PRDM1: variants seen among roughly 807,000 people sequenced by gnomAD.
PRDM1 encodes PR domain zinc finger protein 1.
In PRDM1, 13 loss-of-function variants were observed where a neutral mutation model predicts 62.8. That is an observed-to-expected ratio of 0.21 (90% CI 0.13 to 0.33). The LOEUF (loss-of-function observed/expected upper bound fraction) is 0.33. Ranked by LOEUF, PRDM1 falls within the 10% of genes least tolerant of loss-of-function variation. The pLI, the probability that PRDM1 is intolerant of heterozygous loss-of-function variation, is 1.00. For synonymous variants in PRDM1, 396 were observed against 417.6 expected (o/e 0.95, Z 0.63); for missense variants, 895 against 1,058.8 (o/e 0.85, Z 2.15).
intron 1 of PRDM1, among the ~76,000 whole-genome samples, chr6:106,008,570 C>G (rs114513588): frequency 6.6e-6 from 1 of 152,138 alleles, no homozygotes; most frequent in African/African-American, 2.4e-5. Flanking sequence ...GTGCCTGGTA[C>G]AGAGGATATA....
At chr6:106,099,146 C>G (rs372087867) in intron 3 of PRDM1, 154 bp from the exon 4 acceptor site, 329 of 1,607,834 alleles carry the variant, frequency 2.0e-4, no homozygotes, top group Non-Finnish European at 2.7e-4. Flanking sequence ...TCTGCTGATT[C>G]AAGACTATTC....
Position 105,994,757 on chromosome 6 carries a change from T to C in PRDM1, c.-67+1118T>C, listed in dbSNP as rs554505700. Among the ~76,000 whole-genome samples, 6 of 152,304 alleles carry C rather than the reference T, an allele frequency of 3.9e-5. No homozygotes were observed. The South Asian group carries it at 6.2e-4, about 16-fold the overall frequency. ...AGCATCAGTCCTGCCCGTAACTTCCTAACGACATCTTCTTGGAGCAGATTC... is the reference window on the plus strand; with the variant it reads ...AGCATCAGTCCTGCCCGTAACTTCCCAACGACATCTTCTTGGAGCAGATTC... On this transcript the variant is annotated intron_variant, in intron 1 of 6. Coordinates refer to the PRDM1 transcript ENST00000652320. The surrounding 1 kb of genome is among the most constrained non-coding windows in gnomAD (Gnocchi z 4.1).
chr6:106,078,599 C>G (rs1773639347), intron 1 of PRDM1, among the ~76,000 whole-genome samples: 1 of 152,216 alleles, frequency 6.6e-6, no homozygotes, highest in South Asian at 2.1e-4. Context: ...TGGCTGGGCG[C>G]AGTGGCTCAC....
rs140793154 is a variant in PRDM1 at position 106,109,606 on chromosome 6, C to T, written c.*2120C>T. The T allele has an allele frequency of 4.8e-3, 1,130 of 233,526 alleles. 6 individuals are homozygous for T. The highest frequency in any genetic ancestry group is 0.026 in the Middle Eastern group (20 of 780). The allele number at this position is 233,526 out of a possible 1,614,324, so 14.5% of individuals were successfully genotyped here. A position where few individuals can be genotyped will look rare whatever the true frequency, so the allele number is the denominator to read the frequency against. On this transcript the variant is annotated 3_prime_UTR_variant, in exon 7 of 7. Coordinates refer to ENST00000369096, the MANE Select transcript of PRDM1 (RefSeq NM_001198.4). ...TAACTGAAGGTAAACCAAAGCATCA[C>T]GTTGACATTAGACCAAATACTTTTG...
intron 4 of PRDM1, chr6:106,100,089 A>C (rs1420878325): frequency 6.5e-6 from 1 of 153,714 alleles, no homozygotes; most frequent in East Asian, 1.9e-4. Flanking sequence ...TAAAAAAACT[A>C]TCTGATCTCT....
Position 106,092,911 on chromosome 6 carries a change from C to G in PRDM1, c.292-2704C>G, listed in dbSNP as rs118165605. Among the ~76,000 whole-genome samples the G allele has an allele frequency of 2.5e-3, 383 of 152,220 alleles. 1 individual carries two copies. Among genetic ancestry groups the G allele is most frequent in the South Asian group, 9.1e-3 (44 of 4,824 alleles). On this transcript the variant is annotated intron_variant, in intron 2 of 6. Transcript: ENST00000369096. ...AAATTTTATGATTTTGTATCTTTAT[C>G]TATAGGTGTGAGTTTATATGTGCCC...
chr6:106,044,194 C>CTT (rs559769433), upstream of PRDM1, among the ~76,000 whole-genome samples: 8 of 128,108 alleles, frequency 6.2e-5, no homozygotes, highest in Admixed American at 1.5e-4. Flanking sequence ...TTTTTTCTTT[C>CTT]TTTTTTTTTT....
chr6:106,080,884 G>A (rs1413532201), intron 1 of PRDM1, among the ~76,000 whole-genome samples: 1 of 152,188 alleles, frequency 6.6e-6, no homozygotes, highest in Non-Finnish European at 1.5e-5. Context: ...TGCACCTTAA[G>A]GGGGCGGATG....
intron 1 of PRDM1, among the ~76,000 whole-genome samples, chr6:105,998,933 A>ATTTT (rs754830624): frequency 1.6e-3 from 10 of 6,386 alleles, no homozygotes; most frequent in Admixed American, 3.4e-3. Flanking sequence ...ATATATATAT[A>ATTTT]TTTTTTTTTT....
chr6:106,085,063 C>A (rs1052892464), upstream of PRDM1, among the ~76,000 whole-genome samples: 2 of 152,108 alleles, frequency 1.3e-5, no homozygotes, highest in Non-Finnish European at 2.9e-5. Flanking sequence ...GATAAACAGA[C>A]ATATTTTTTA....
intron 1 of PRDM1, among the ~76,000 whole-genome samples, chr6:105,995,486 T>C (rs1038238286): frequency 1.3e-5 from 2 of 152,124 alleles, no homozygotes; most frequent in Non-Finnish European, 2.9e-5. Flanking sequence ...GAAGCTACCA[T>C]AGTGTAGGAT....
chr6:106,008,682 G>A (rs1393083007), intron 1 of PRDM1, among the ~76,000 whole-genome samples: 1 of 152,196 alleles, frequency 6.6e-6, no homozygotes, highest in Non-Finnish European at 1.5e-5. Context: ...GTGAGAGGGA[G>A]GGTGGGGCTC....
intron 1 of PRDM1, among the ~76,000 whole-genome samples, chr6:106,032,907 G>A (rs1228608295): frequency 1.3e-5 from 2 of 152,084 alleles, no homozygotes; most frequent in Non-Finnish European, 2.9e-5. Flanking sequence ...AAGAATAATA[G>A]CTAACATTAT....
At position 106,095,711 on chromosome 6, in the gene PRDM1, G is replaced by A. The variant is rs749631901; in HGVS notation, c.388G>A (p.Ala130Thr). Residue 130 changes from alanine to threonine, a missense_variant, in exon 3 of 7, where the codon GCC becomes ACC. Ala to Thr is a moderately conservative substitution (Grantham distance 58). Coordinates refer to ENST00000369096, the MANE Select transcript of PRDM1 (RefSeq NM_001198.4). ...CACCAATGACACAGTTCCTAAGAAC[G>A]CCAACAGGAAATATTTTTGGAGGGT... Reference protein sequence around the residue: ...IYTNDTVPKNANRKYFWRIYS... With the variant: ...IYTNDTVPKNTNRKYFWRIYS... The A allele has an allele frequency of 1.9e-5, 30 of 1,613,806 alleles. 1 individual carries two copies. In the South Asian group the frequency reaches 2.2e-4, roughly 12 times the overall value.
chr6:106,094,566 G>A (rs1774043099), intron 2 of PRDM1, among the ~76,000 whole-genome samples: 1 of 152,288 alleles, frequency 6.6e-6, no homozygotes, highest in South Asian at 2.1e-4. Context: ...CATTTCCTCA[G>A]ATCTTAGAAC....
Position 106,095,597 on chromosome 6 carries a change from G to C in PRDM1, c.292-18G>C, listed in dbSNP as rs568523900. On this transcript the variant is annotated intron_variant, in intron 2 of 6. Transcript: ENST00000369096. Reference sequence around the variant, plus strand: ...TTTATAGTCAAAGTAATTGTTTCCTGTGTTTTTTCCTGTTTAGGTTATTGG... The same window carrying C: ...TTTATAGTCAAAGTAATTGTTTCCTCTGTTTTTTCCTGTTTAGGTTATTGG... 6.2e-6 allele frequency: 10 copies of C among 1,609,028 alleles called. No individual in the cohort carries two copies. The East Asian group carries it at 1.6e-4, about 25-fold the overall frequency.
At chr6:106,036,966 C>T (rs966780632) in intron 1 of PRDM1, among the ~76,000 whole-genome samples, 1 of 152,138 alleles carries the variant, frequency 6.6e-6, no homozygotes, top group African/African-American at 2.4e-5. Context: ...AGGTATGTAC[C>T]ACCATTCCTG....
intron 1 of PRDM1, among the ~76,000 whole-genome samples, chr6:106,075,679 G>A (rs1773593996): frequency 1.3e-5 from 2 of 152,164 alleles, no homozygotes; most frequent in Non-Finnish European, 2.9e-5. Flanking sequence ...TTAATAGAGT[G>A]TAGACTTTCC....
intron 2 of PRDM1, 128 bp downstream of exon 2, chr6:106,088,577 C>G: frequency 1.0e-6 from 1 of 1,004,544 alleles, no homozygotes. Context: ...ATTGATTGCT[C>G]TATTCAATTC....
Sources: gnomAD v4.1 joint callset for allele counts (sites outside exome capture counted in the v4.1 genomes callset) on GRCh38, gnomAD v4.1.1 for gene constraint, Gnocchi (gnomAD v3.1) non-coding constraint, MANE v1.5 for transcripts, NCBI Gene and HGNC (gene_info 2026-07-23, HGNC 2026-07-21) for gene names.